The following WDR33 variants were observed in gnomAD, a reference collection of about 807,000 sequenced individuals.
The protein encoded by WDR33 is WD repeat domain 33.
In WDR33, 47 loss-of-function variants were observed where a neutral mutation model predicts 164.9. That is an observed-to-expected ratio of 0.29 (90% CI 0.23 to 0.36). The LOEUF is 0.36. Ranked by LOEUF, WDR33 falls within the 10% of genes least tolerant of loss-of-function variation. WDR33 has a pLI of 1.00. For missense variants in WDR33, 1,137 were observed against 1,754.1 expected, an observed-to-expected ratio of 0.65 and a Z score of 6.28; for synonymous variants, 505 against 589.0, an observed-to-expected ratio of 0.86 and a Z score of 2.06.
At chr2:127,782,645 A>C (rs528113190) in intron 1 of WDR33, among the ~76,000 whole-genome samples, 54 of 152,322 alleles carry the variant, frequency 3.5e-4, no homozygotes, top group African/African-American at 1.3e-3. Context: ...TGTACTAAAC[A>C]ATATAGTACA....
At position 127,706,024 on chromosome 2, in the gene WDR33, T is replaced by C. The variant is rs1055283761; in HGVS notation, c.*299A>G. On this transcript the variant is annotated 3_prime_UTR_variant, in exon 22 of 22. Coordinates refer to ENST00000322313, the MANE Select transcript of WDR33 (RefSeq NM_018383.5). The surrounding 1 kb of genome is among the most constrained non-coding windows in gnomAD (Gnocchi z 5.1). Reference sequence around the variant, plus strand: ...ATTTCCAAATGGACAGGAACTTAAATTTGTGGAGATGCCCCATGTCTTGTG... The same window carrying C: ...ATTTCCAAATGGACAGGAACTTAAACTTGTGGAGATGCCCCATGTCTTGTG... 1.5e-5 allele frequency: 5 copies of C among 338,596 alleles called. No individual in the cohort carries two copies. The Admixed American group carries it at 2.4e-4, about 16-fold the overall frequency. 21.0% of individuals were successfully genotyped at this position (338,596 alleles called of 1,614,324 possible).
At position 127,702,267 on chromosome 2, in the gene WDR33, G is replaced by A; in HGVS notation, c.*4056C>T. 8.9e-7 allele frequency: 1 copy of A among 1,127,420 alleles called. No homozygotes were observed. 69.8% of individuals were successfully genotyped at this position (1,127,420 alleles called of 1,614,324 possible). A position where few individuals can be genotyped will look rare whatever the true frequency, so the allele number is the denominator to read the frequency against. On this transcript the variant is annotated 3_prime_UTR_variant, in exon 22 of 22. Transcript: ENST00000322313. ...AGCTGAGGACTGCACGCCGCTGTGC[G>A]GAAGCCCGTGGCGAAGGCCCTGCCC...
At chr2:127,752,698 T>C (rs150895792) in intron 7 of WDR33, among the ~76,000 whole-genome samples, 45 of 151,924 alleles carry the variant, frequency 3.0e-4, no homozygotes, top group African/African-American at 1.0e-3. Context: ...TAAAACAGCA[T>C]TCCTGGTTGA....
chr2:127,756,605 C>A (rs180780100), intron 7 of WDR33, among the ~76,000 whole-genome samples: 99 of 152,126 alleles, frequency 6.5e-4, no homozygotes, highest in Non-Finnish European at 7.8e-4. Context: ...TATAAAAGAA[C>A]AGGGTAACTA....
At position 127,710,605 on chromosome 2, in the gene WDR33, T is replaced by C. The variant is rs148657550; in HGVS notation, c.3309-749A>G. On this transcript the variant is annotated intron_variant, in intron 18 of 21. Coordinates refer to ENST00000322313, the MANE Select transcript of WDR33 (RefSeq NM_018383.5). This position sits in a 1 kb window ranked among gnomAD's most constrained non-coding sequence, Gnocchi z 4.4. ...ACAGCTTCCCCTTCTCTCAGGAATT[T>C]TGGAGCCAGGAGACTACACTGACTG... Among the ~76,000 whole-genome samples the C allele has an allele frequency of 4.3e-4, 65 of 152,208 alleles. 1 individual carries two copies. The highest frequency in any genetic ancestry group is 6.5e-4 in the Non-Finnish European group (44 of 67,986).
intron 1 of WDR33, among the ~76,000 whole-genome samples, chr2:127,778,710 T>C (rs1487215542): frequency 6.6e-6 from 1 of 151,958 alleles, no homozygotes; most frequent in Admixed American, 6.6e-5. Flanking sequence ...CTGAGTAAAG[T>C]GAGGGAGGCA....
In WDR33 at chr2:127,786,823, T is replaced by C. The variant is rs577190696; in HGVS notation, c.-23-15819A>G. ...ATATATCATCTGCAAAGAGGTACAA[T>C]TTTATTTCTTCCTTTCTGTTCTTTT... On this transcript the variant is annotated intron_variant, in intron 1 of 21. Transcript: ENST00000322313. Among the ~76,000 whole-genome samples, 257 of 151,074 alleles carry C rather than the reference T, an allele frequency of 1.7e-3. 3 individuals carry two copies. Among genetic ancestry groups the C allele is most frequent in the African/African-American group, 6.0e-3 (248 of 41,136 alleles).
At chr2:127,759,797 T>G (rs1687624291) in intron 7 of WDR33, among the ~76,000 whole-genome samples, 1 of 152,008 alleles carries the variant, frequency 6.6e-6, no homozygotes, top group African/African-American at 2.4e-5. Context: ...TCCTAGCACT[T>G]TGGGAGGCCG....
chr2:127,755,064 A>G (rs1687482264), intron 7 of WDR33, among the ~76,000 whole-genome samples: 1 of 152,148 alleles, frequency 6.6e-6, no homozygotes, highest in Non-Finnish European at 1.5e-5. Flanking sequence ...ATCATCTAAA[A>G]CACAGGATTG....
At position 127,724,890 on chromosome 2, in the gene WDR33, A is replaced by G. The variant is rs1393232143; in HGVS notation, c.1082T>C (p.Val361Ala). The G allele has an allele frequency of 1.2e-6, 2 of 1,614,144 alleles. No homozygotes were observed. The highest frequency in any genetic ancestry group is 3.3e-5 in the Admixed American group (2 of 60,026). ...TTTTCACATAAATCTTACATACCCA[A>G]CATGCCAGAATAACAAAGAACCATC... The part of the protein sequence containing the change: ...GSDGSLLFWH[V>A]GVEKEVGGME... Residue 361 changes from valine (V) to alanine (A), a missense_variant, in exon 10 of 22, where the codon GTT (valine) becomes GCT (alanine). Coordinates refer to ENST00000322313, the MANE Select transcript of WDR33 (RefSeq NM_018383.5). The surrounding 1 kb of genome is among the most constrained non-coding windows in gnomAD (Gnocchi z 4.8).
chr2:127,764,270 T>C lies in WDR33; in HGVS notation c.626+558A>G. 8.0e-7 allele frequency: 1 copy of C among 1,247,768 alleles called. No individual in the cohort carries two copies. Among genetic ancestry groups the C allele is most frequent in the Non-Finnish European group, 1.0e-6 (1 of 994,204 alleles). The allele number at this position is 1,247,768 out of a possible 1,614,324, so 77.3% of individuals were successfully genotyped here. A position where few individuals can be genotyped will look rare whatever the true frequency, so the allele number is the denominator to read the frequency against. On this transcript the variant is annotated intron_variant, in intron 6 of 21. Coordinates refer to ENST00000322313, the MANE Select transcript of WDR33 (RefSeq NM_018383.5). The surrounding 1 kb of genome is among the most constrained non-coding windows in gnomAD (Gnocchi z 6.2). ...AGAGTCTTCTTGACAATGATCTGCT[T>C]ACAGCTGCAAAGCTTGAAGAACCCA...
intron 7 of WDR33, among the ~76,000 whole-genome samples, chr2:127,751,430 T>C (rs912498752): frequency 2.1e-5 from 3 of 146,040 alleles, no homozygotes; most frequent in African/African-American, 5.1e-5. Context: ...GATGCTCTAT[T>C]TAAAAAAAAA....
At chr2:127,753,311 CTTTG>C (rs1389755940) in intron 7 of WDR33, among the ~76,000 whole-genome samples, 1 of 152,206 alleles carries the variant, frequency 6.6e-6, no homozygotes, top group Non-Finnish European at 1.5e-5. Context: ...ATCATGACAG[CTTTG>C]TTTAAACAAG....
chr2:127,701,673 T>C lies in WDR33; in HGVS notation c.*4650A>G, dbSNP rs10174458. The C allele has an allele frequency of 1.4e-3, 1,789 of 1,297,386 alleles. 20 individuals are homozygous for C. In the African/African-American group the frequency reaches 0.025, roughly 18 times the overall value. The allele number at this position is 1,297,386 out of a possible 1,614,324, so 80.4% of individuals were successfully genotyped here. On this transcript the variant is annotated 3_prime_UTR_variant, in exon 22 of 22. Coordinates refer to ENST00000322313, the MANE Select transcript of WDR33 (RefSeq NM_018383.5). ...GGAGGAGTGGCTGGGCCGCGCGGGC[T>C]TGCGCTGGACGTGGGCGCGGAGCCC...
chr2:127,778,588 T>C (rs189542151), intron 1 of WDR33, among the ~76,000 whole-genome samples: 569 of 151,950 alleles, frequency 3.7e-3, no homozygotes, highest in Middle Eastern at 0.017. Flanking sequence ...AAAAGAACAA[T>C]GTGAGAAGTT....
intron 7 of WDR33, chr2:127,737,291 G>A: frequency 1.0e-6 from 1 of 985,390 alleles, no homozygotes; most frequent in Non-Finnish European, 1.2e-6. Flanking sequence ...GGAGATACCA[G>A]TGTCCCACAC....
At position 127,712,665 on chromosome 2, in the gene WDR33, G is replaced by A. The variant is rs75871397; in HGVS notation, c.3308+918C>T. Among the ~76,000 whole-genome samples the A allele has an allele frequency of 0.015, 2,270 of 152,346 alleles. 58 individuals are homozygous for A. Among genetic ancestry groups the A allele is most frequent in the African/African-American group, 0.05 (2,084 of 41,582 alleles). ...AAACAAATTCCTCAATTTAAATGAG[G>A]TAACAACATCTGATACAAAATACTC... On this transcript the variant is annotated intron_variant, in intron 18 of 21. Transcript: ENST00000322313. This position sits in a 1 kb window ranked among gnomAD's most constrained non-coding sequence, Gnocchi z 4.0.
chr2:127,762,755 A>C (rs1395059836), intron 7 of WDR33: 1 of 1,117,506 alleles, frequency 8.9e-7, no homozygotes, highest in Non-Finnish European at 1.1e-6. Context: ...GTTGGGAACA[A>C]GTACCCTGGC....
intron 1 of WDR33, among the ~76,000 whole-genome samples, chr2:127,774,702 C>T (rs1026461654): frequency 3.2e-4 from 48 of 152,058 alleles, no homozygotes; most frequent in Admixed American, 6.5e-4. Context: ...TGGTGGCGGG[C>T]GCCTGTAGTC....
Sources: allele counts gnomAD v4.1 joint callset (sites outside exome capture counted in the v4.1 genomes callset), GRCh38; gene constraint gnomAD v4.1.1; non-coding constraint Gnocchi (gnomAD v3.1); transcripts MANE v1.5; gene names NCBI Gene and HGNC (gene_info 2026-07-23, HGNC 2026-07-21).